KLF3: variants seen among roughly 807,000 people sequenced by gnomAD.
The protein encoded by KLF3 is Krueppel-like factor 3.
In KLF3, 6 loss-of-function variants were observed where a neutral mutation model predicts 32.7. That is an observed-to-expected ratio of 0.18 (90% confidence interval 0.10 to 0.36). The LOEUF (loss-of-function observed/expected upper bound fraction) is 0.36, where lower values mean the gene tolerates loss of function less well. KLF3 is among the 10% of genes least tolerant of loss of function. The pLI is 1.00. For synonymous variants in KLF3, 145 were observed against 172.8 expected (o/e 0.84, Z 1.26); for missense variants, 338 against 449.7 (o/e 0.75, Z 2.25).
At chr4:38,684,563 G>A (rs1176698248) in intron 2 of KLF3, among the ~76,000 whole-genome samples, 1 of 47,352 alleles carries the variant, frequency 2.1e-5, no homozygotes, top group Non-Finnish European at 4.3e-5. Flanking sequence ...TTTTTTTTTG[G>A]TTTGGTTTTG....
chr4:38,683,622 G>A (rs1722601703), intron 2 of KLF3, among the ~76,000 whole-genome samples: 1 of 150,452 alleles, frequency 6.6e-6, no homozygotes, highest in Non-Finnish European at 1.5e-5. Context: ...AAATGCGCAT[G>A]TACATAAATT....
chr4:38,667,312 A>G (rs915772681), intron 1 of KLF3, among the ~76,000 whole-genome samples: 4 of 152,112 alleles, frequency 2.6e-5, no homozygotes, highest in African/African-American at 9.7e-5. Context: ...TCCAAGTGGC[A>G]TATGTGTGCT....
intron 4 of KLF3, chr4:38,690,740 T>C (rs1722853296): frequency 1.3e-5 from 2 of 152,226 alleles, no homozygotes; most frequent in Non-Finnish European, 2.9e-5. Context: ...CTTGAATAAA[T>C]GTTCTACCCA....
At position 38,701,171 on chromosome 4, in the gene KLF3, G is replaced by T. The variant is rs1723182706; in HGVS notation, c.*3908G>T. 1 of 152,262 alleles carries T rather than the reference G, an allele frequency of 6.6e-6. No homozygotes were observed. The highest frequency in any genetic ancestry group is 1.5e-5 in the Non-Finnish European group (1 of 68,012). 9.4% of individuals were successfully genotyped at this position (152,262 alleles called of 1,614,324 possible). A position where few individuals can be genotyped will look rare whatever the true frequency, so the allele number is the denominator to read the frequency against. ...TTGTTGATGGAGGGACAGAAAAATAGATCTAACTGGAAGATGAACTACCGG... is the reference window on the plus strand; with the variant it reads ...TTGTTGATGGAGGGACAGAAAAATATATCTAACTGGAAGATGAACTACCGG... On this transcript the variant is annotated 3_prime_UTR_variant, in exon 6 of 6. Coordinates refer to ENST00000261438, the MANE Select transcript of KLF3 (RefSeq NM_016531.6).
chr4:38,696,360 G>A (rs1723045658), intron 5 of KLF3, among the ~76,000 whole-genome samples: 1 of 152,056 alleles, frequency 6.6e-6, no homozygotes, highest in African/African-American at 2.4e-5. Flanking sequence ...TGACCCTTAT[G>A]ACTAATTTAA....
At position 38,680,693 on chromosome 4, in the gene KLF3, C is replaced by A; in HGVS notation, c.57+11C>A. ...GACCCTGTCTCAGTGGTAAGTTTTC[C>A]AAGATTGAACACCTCGCCTTATTTT... On this transcript the variant is annotated intron_variant, in intron 2 of 5. Coordinates refer to ENST00000261438, the MANE Select transcript of KLF3 (RefSeq NM_016531.6). The A allele has an allele frequency of 6.3e-7, 1 of 1,594,212 alleles. No homozygotes were observed. Among genetic ancestry groups the A allele is most frequent in the Non-Finnish European group, 8.6e-7 (1 of 1,161,984 alleles).
At chr4:38,669,749 C>T (rs149372336) in intron 1 of KLF3, among the ~76,000 whole-genome samples, 5,328 of 151,554 alleles carry the variant, frequency 0.035, 267 homozygotes, top group African/African-American at 0.11. Context: ...AAAAATTATC[C>T]GGGCGTGGTG....
intron 1 of KLF3, among the ~76,000 whole-genome samples, chr4:38,679,596 G>A (rs535632392): frequency 9.8e-5 from 15 of 152,290 alleles, no homozygotes; most frequent in East Asian, 7.7e-4. Flanking sequence ...ATTGCTGTTC[G>A]TAATGGCGAA....
chr4:38,678,107 T>C (rs1722406521), intron 1 of KLF3, among the ~76,000 whole-genome samples: 1 of 152,144 alleles, frequency 6.6e-6, no homozygotes, highest in Admixed American at 6.5e-5. Flanking sequence ...ATCAAGATAC[T>C]CTCTAGTGGG....
At chr4:38,673,183 G>T (rs112452036) in intron 1 of KLF3, among the ~76,000 whole-genome samples, 1 of 152,316 alleles carries the variant, frequency 6.6e-6, no homozygotes, top group Non-Finnish European at 1.5e-5. Flanking sequence ...GTTCCTTCTG[G>T]TTATTTTTAA....
chr4:38,686,121 C>A (rs1722687291), intron 2 of KLF3, among the ~76,000 whole-genome samples: 1 of 151,666 alleles, frequency 6.6e-6, no homozygotes, highest in Non-Finnish European at 1.5e-5. Flanking sequence ...GATTTTATAT[C>A]CTTCATGTTC....
chr4:38,693,259 TC>T (rs1404358689), intron 4 of KLF3, among the ~76,000 whole-genome samples: 2 of 150,998 alleles, frequency 1.3e-5, no homozygotes, highest in Admixed American at 1.3e-4. Flanking sequence ...CTACCACCCT[TC>T]CAGGTATTAG....
At position 38,697,244 on chromosome 4, in the gene KLF3, A is replaced by G. The variant is rs1279063455; in HGVS notation, c.1019A>G (p.Lys340Arg). ...TCTGACCATCTTGCCCTCCATAGGA[A>G]ACGCCACATGCTAGTCTGATTGCCT... ...SRSDHLALHR[K>R]RHMLV Residue 340 changes from lysine (K) to arginine (R), a missense_variant, in exon 6 of 6, where the codon AAA (lysine) becomes AGA (arginine). Around this residue, in one of 2 missense-constraint regions of KLF3, gnomAD observed 66 missense variants for 136.2 expected, o/e 0.48. Transcript: ENST00000261438. 3.1e-6 allele frequency: 5 copies of G among 1,612,790 alleles called. No individual in the cohort carries two copies. The highest frequency in any genetic ancestry group is 1.3e-5 in the African/African-American group (1 of 74,876).
At chr4:38,676,627 A>G (rs1166986583) in intron 1 of KLF3, among the ~76,000 whole-genome samples, 1 of 152,086 alleles carries the variant, frequency 6.6e-6, no homozygotes, top group Non-Finnish European at 1.5e-5. Flanking sequence ...AAGCATCATC[A>G]TTTAAAAGCT....
In KLF3 at chr4:38,697,166, A is replaced by G; in HGVS notation, c.941A>G (p.His314Arg). The G allele has an allele frequency of 6.2e-7, 1 of 1,614,136 alleles. No individual in the cohort carries two copies. The highest frequency in any genetic ancestry group is 8.5e-7 in the Non-Finnish European group (1 of 1,179,988). The change falls in exon 6 of 6, where the codon CAT (histidine) becomes CGT (arginine). Residue 314 changes from histidine to arginine, a missense_variant. Transcript: ENST00000261438. ...SDELTRHFRK[H>R]TGIKPFQCPD... is the part of the protein sequence containing the mutation. The stretch of plus-strand genomic sequence containing the variant: ...GAACTAACAAGACATTTCCGAAAAC[A>G]TACTGGAATCAAACCTTTCCAGTGC...
In KLF3 at chr4:38,701,125, A is replaced by G. The variant is rs897538283; in HGVS notation, c.*3862A>G. ...TGTAAGAACCCTTGCTTAGAACATTACTTACTCTGATGGGCAGTTATTGTT... is the reference window on the plus strand; with the variant it reads ...TGTAAGAACCCTTGCTTAGAACATTGCTTACTCTGATGGGCAGTTATTGTT... On this transcript the variant is annotated 3_prime_UTR_variant, in exon 6 of 6. Coordinates refer to ENST00000261438, the MANE Select transcript of KLF3 (RefSeq NM_016531.6). 7.9e-5 allele frequency: 12 copies of G among 152,224 alleles called. No individual in the cohort carries two copies. Among genetic ancestry groups the G allele is most frequent in the African/African-American group, 2.9e-4 (12 of 41,462 alleles). 9.4% of individuals were successfully genotyped at this position (152,224 alleles called of 1,614,324 possible).
At chr4:38,677,182 A>T (rs994017271) in intron 1 of KLF3, among the ~76,000 whole-genome samples, 2 of 151,972 alleles carry the variant, frequency 1.3e-5, no homozygotes, top group African/African-American at 4.8e-5. Context: ...GGCTGGTCTC[A>T]ATCTCCTATC....
Position 38,688,859 on chromosome 4 carries a change from C to T in KLF3, c.332C>T (p.Ser111Phe). Residue 111 changes from serine to phenylalanine, a missense_variant, in exon 3 of 6, where the codon TCT becomes TTT. Physicochemically the swap from Ser to Phe is radical, Grantham distance 155 (BLOSUM62 -2). Coordinates refer to ENST00000261438, the MANE Select transcript of KLF3 (RefSeq NM_016531.6). This position sits in a 1 kb window ranked among gnomAD's most constrained non-coding sequence, Gnocchi z 4.9. ...SPPIKKYSPP[S>F]PGVQPFGVPL... ...CCGATAAAAAAATACTCACCCCCTT[C>T]TCCAGGCGTGCAGCCCTTCGGCGTG... 1 of 1,614,254 alleles carries T rather than the reference C, an allele frequency of 6.2e-7. No individual in the cohort carries two copies.
chr4:38,689,875 C>A lies in KLF3; in HGVS notation c.691C>A (p.Gln231Lys), dbSNP rs763849495. Residue 231 changes from glutamine to lysine, a missense_variant, in exon 4 of 6, where the codon CAA becomes AAA. Around this residue, in one of 2 missense-constraint regions of KLF3, gnomAD observed 272 missense variants for 313.4 expected, o/e 0.87. Coordinates refer to ENST00000261438, the MANE Select transcript of KLF3 (RefSeq NM_016531.6). ...NSVSPPQALL[Q>K]ENHPSVIVQP... ...AGTGTCCCCCCCGCAAGCATTGTTG[C>A]AAGAGTAAGTATATTTAGGTCTACC... The A allele has an allele frequency of 7.3e-7, 1 of 1,361,494 alleles. No homozygotes were observed. The highest frequency in any genetic ancestry group is 1.2e-5 in the South Asian group (1 of 85,962). 84.3% of individuals were successfully genotyped at this position (1,361,494 alleles called of 1,614,324 possible).
Sources: gnomAD v4.1 joint callset for allele counts (sites outside exome capture counted in the v4.1 genomes callset) on GRCh38, gnomAD v4.1.1 for gene constraint, gnomAD v4.1.1 regional missense constraint, Gnocchi (gnomAD v3.1) non-coding constraint, MANE v1.5 for transcripts, NCBI Gene and HGNC (gene_info 2026-07-23, HGNC 2026-07-21) for gene names.